KCNMB2: variants seen among roughly 807,000 people sequenced by gnomAD.
KCNMB2 encodes the protein potassium calcium-activated channel subfamily M regulatory beta subunit 2.
In KCNMB2, 9 loss-of-function variants were observed where a neutral mutation model predicts 24.5. The ratio of observed to expected loss-of-function variants is 0.37; its 90% CI spans 0.22 to 0.64. The LOEUF is 0.64. Among genes scored for constraint, KCNMB2 ranks in the 30% least tolerant of loss-of-function variants. The pLI is 0.63. For missense variants in KCNMB2, 226 were observed against 284.3 expected, an observed-to-expected ratio of 0.79 and a Z score of 1.47; for synonymous variants, 109 against 104.4, an observed-to-expected ratio of 1.04 and a Z score of -0.27.
intron 1 of KCNMB2, among the ~76,000 whole-genome samples, chr3:178,565,092 T>C (rs1315791011): frequency 6.6e-6 from 1 of 152,152 alleles, no homozygotes; most frequent in Non-Finnish European, 1.5e-5. Context: ...TTTTTATTAA[T>C]AAAGTATATA....
chr3:178,595,386 C>T (rs368811653), intron 1 of KCNMB2, among the ~76,000 whole-genome samples: 17 of 152,082 alleles, frequency 1.1e-4, no homozygotes, highest in Admixed American at 8.5e-4. Flanking sequence ...CTTCAACTTG[C>T]CACCTTTCTG....
At chr3:178,836,272 C>T (rs1407102339) in intron 4 of KCNMB2, among the ~76,000 whole-genome samples, 2 of 152,082 alleles carry the variant, frequency 1.3e-5, no homozygotes, top group African/African-American at 4.8e-5. Context: ...TTCTGTCCAT[C>T]ATGACAATAA....
At chr3:178,792,192 A>C (rs1713348400) in intron 1 of KCNMB2, among the ~76,000 whole-genome samples, 1 of 152,238 alleles carries the variant, frequency 6.6e-6, no homozygotes, top group African/African-American at 2.4e-5. Flanking sequence ...CATCTTTTCA[A>C]GACATAGTAT....
chr3:178,576,757 C>A (rs1402974048), intron 1 of KCNMB2, among the ~76,000 whole-genome samples: 1 of 152,200 alleles, frequency 6.6e-6, no homozygotes, highest in Non-Finnish European at 1.5e-5. Flanking sequence ...CCCACCACAC[C>A]TTGGCAAAGC....
At position 178,626,040 on chromosome 3, in the gene KCNMB2, A is replaced by T. The variant is rs576479119; in HGVS notation, c.-68+89329A>T. ...AGGGAAACTATTTTAATGAGCACCCAGCTGAAGGTTAATTTCAGAATGCTC... is the reference window on the plus strand; with the variant it reads ...AGGGAAACTATTTTAATGAGCACCCTGCTGAAGGTTAATTTCAGAATGCTC... On this transcript the variant is annotated intron_variant, in intron 1 of 4. Transcript: ENST00000452583. 8.5e-5 allele frequency among the ~76,000 whole-genome samples: 13 copies of T among 152,346 alleles called. No individual in the cohort carries two copies. The East Asian group carries it at 2.3e-3, about 27-fold the overall frequency.
At chr3:178,628,130 A>C (rs1215621616) in intron 1 of KCNMB2, among the ~76,000 whole-genome samples, 1 of 152,220 alleles carries the variant, frequency 6.6e-6, no homozygotes, top group Admixed American at 6.5e-5. Context: ...TATTAGAATT[A>C]TCTTAGAGCT....
chr3:178,805,328 T>C (rs1186492194), intron 1 of KCNMB2, among the ~76,000 whole-genome samples: 1 of 152,194 alleles, frequency 6.6e-6, no homozygotes, highest in African/African-American at 2.4e-5. Flanking sequence ...CATTCTTCAG[T>C]TTATTGAATC....
rs150304010 is a variant in KCNMB2 at position 178,667,999 on chromosome 3, T to C, written c.-68+131288T>C. On this transcript the variant is annotated intron_variant, in intron 1 of 4. Coordinates refer to ENST00000452583, the MANE Select transcript of KCNMB2 (RefSeq NM_181361.3). Reference sequence around the variant, plus strand: ...AGCAGAGGGAGTACGTATCTCTTTTTACATAAAAACAATATTATACATGGA... The same window carrying C: ...AGCAGAGGGAGTACGTATCTCTTTTCACATAAAAACAATATTATACATGGA... 9.9e-5 allele frequency among the ~76,000 whole-genome samples: 15 copies of C among 152,282 alleles called. No homozygotes were observed. In the East Asian group the frequency reaches 2.9e-3, roughly 29 times the overall value.
At position 178,679,028 on chromosome 3, in the gene KCNMB2, TTTTG is replaced by T. The variant is rs199674737; in HGVS notation, c.-67-128303_-67-128300del. Among the ~76,000 whole-genome samples the T allele has an allele frequency of 0.01, 1,527 of 147,300 alleles. 44 individuals carry two copies. The South Asian group carries it at 0.12, about 12-fold the overall frequency. ...CATTGTTGTTCATTTATCAGTTTTT[TTTTG>T]TTTGTTTGTTTTTTGTTTTGTTTTT... On this transcript the variant is annotated intron_variant, in intron 1 of 4. Coordinates refer to ENST00000452583, the MANE Select transcript of KCNMB2 (RefSeq NM_181361.3).
intron 1 of KCNMB2, among the ~76,000 whole-genome samples, chr3:178,753,216 A>G (rs1452158474): frequency 2.0e-5 from 3 of 152,176 alleles, no homozygotes; most frequent in Non-Finnish European, 4.4e-5. Flanking sequence ...TTAACCTTGT[A>G]AAGCACTTTA....
intron 1 of KCNMB2, among the ~76,000 whole-genome samples, chr3:178,599,328 TTA>T (rs1717994906): frequency 6.6e-6 from 1 of 152,146 alleles, no homozygotes; most frequent in Admixed American, 6.6e-5. Context: ...ATGGCTGAAT[TTA>T]TGTTTCCAAT....
chr3:178,552,356 C>A (rs1715983788), intron 1 of KCNMB2, among the ~76,000 whole-genome samples: 1 of 147,724 alleles, frequency 6.8e-6, no homozygotes, highest in East Asian at 2.0e-4. Context: ...CTCTATTTTT[C>A]TGCAGTTTTA....
chr3:178,718,565 G>A (rs1387640217), intron 1 of KCNMB2, among the ~76,000 whole-genome samples: 1 of 152,210 alleles, frequency 6.6e-6, no homozygotes, highest in Non-Finnish European at 1.5e-5. Context: ...CCCAAGACAA[G>A]TCATTTTGTC....
At chr3:178,776,672 A>G (rs1339698408) in intron 1 of KCNMB2, among the ~76,000 whole-genome samples, 1 of 152,170 alleles carries the variant, frequency 6.6e-6, no homozygotes. Context: ...AATTTCCTGT[A>G]TGTATCATAG....
chr3:178,790,371 G>A (rs745822839), intron 1 of KCNMB2, among the ~76,000 whole-genome samples: 2 of 152,048 alleles, frequency 1.3e-5, no homozygotes, highest in Non-Finnish European at 2.9e-5. Context: ...TTCTTCTGTT[G>A]AGGAAAGGAG....
intron 2 of KCNMB2, among the ~76,000 whole-genome samples, chr3:178,818,151 T>A (rs4131863): frequency 0.26 from 40,046 of 152,090 alleles, 7,084 homozygotes; most frequent in African/African-American, 0.51. Context: ...GCCCTTTCCA[T>A]GTTTTAGTGG....
At chr3:178,773,701 C>T (rs1712469832) in intron 1 of KCNMB2, among the ~76,000 whole-genome samples, 4 of 152,148 alleles carry the variant, frequency 2.6e-5, no homozygotes, top group South Asian at 4.1e-4. Flanking sequence ...TTTGTGATAC[C>T]TCCTTTTCTC....
chr3:178,613,844 C>T (rs1209754263), intron 1 of KCNMB2, among the ~76,000 whole-genome samples: 1 of 152,008 alleles, frequency 6.6e-6, no homozygotes, highest in African/African-American at 2.4e-5. Flanking sequence ...CCATCTTGTA[C>T]GTGGATACTG....
chr3:178,630,008 A>C (rs1719258538), intron 1 of KCNMB2, among the ~76,000 whole-genome samples: 1 of 152,222 alleles, frequency 6.6e-6, no homozygotes. Flanking sequence ...TCACAGTTAC[A>C]GTCATGCCCA....
Sources: gnomAD v4.1 joint callset for allele counts (sites outside exome capture counted in the v4.1 genomes callset) on GRCh38, gnomAD v4.1.1 for gene constraint, MANE v1.5 for transcripts, NCBI Gene and HGNC (gene_info 2026-07-23, HGNC 2026-07-21) for gene names.